The following RALYL variants were observed in gnomAD, a reference collection of about 807,000 sequenced individuals.
RALYL encodes the protein RALY RNA binding protein like.
Under a neutral mutation model 35.1 loss-of-function variants are expected in RALYL, and 29 were observed. The ratio of observed to expected loss-of-function variants is 0.83; its 90% CI spans 0.61 to 1.13. RALYL has a LOEUF of 1.13. Among genes scored for constraint, RALYL ranks in the 50% most tolerant of loss-of-function variants. RALYL has a pLI of 0.00. For synonymous variants in RALYL, 120 were observed against 127.6 expected, an observed-to-expected ratio of 0.94 and a Z score of 0.40; for missense variants, 359 against 360.4, an observed-to-expected ratio of 1.00 and a Z score of 0.03.
At chr8:84,278,852 T>G (rs1012965572) in intron 1 of RALYL, among the ~76,000 whole-genome samples, 1 of 152,232 alleles carries the variant, frequency 6.6e-6, no homozygotes, top group African/African-American at 2.4e-5. Flanking sequence ...CTTTCCCACA[T>G]CTTCCTGTCC....
chr8:84,202,512 C>A (rs1369094584), intron 1 of RALYL, among the ~76,000 whole-genome samples: 1 of 151,752 alleles, frequency 6.6e-6, no homozygotes, highest in Non-Finnish European at 1.5e-5. Flanking sequence ...GCTGGGATTA[C>A]AGGTGCCCAC....
At chr8:84,814,469 AT>A (rs1364815379) in intron 4 of RALYL, among the ~76,000 whole-genome samples, 4 of 152,178 alleles carry the variant, frequency 2.6e-5, no homozygotes, top group Non-Finnish European at 5.9e-5. Context: ...AGTAATTGTC[AT>A]TTAAATTTTT....
chr8:84,695,586 T>C (rs2132228676), intron 2 of RALYL, among the ~76,000 whole-genome samples: 1 of 151,956 alleles, frequency 6.6e-6, no homozygotes, highest in Non-Finnish European at 1.5e-5. Context: ...ATTTTAAGAT[T>C]AAGATGATGG....
At chr8:84,797,890 C>T (rs1310099570) in intron 3 of RALYL, among the ~76,000 whole-genome samples, 1 of 152,154 alleles carries the variant, frequency 6.6e-6, no homozygotes, top group African/African-American at 2.4e-5. Flanking sequence ...AAGCCAGTGG[C>T]ATAGATCTAG....
intron 2 of RALYL, among the ~76,000 whole-genome samples, chr8:84,768,067 A>T (rs1448291683): frequency 6.6e-6 from 1 of 152,186 alleles, no homozygotes; most frequent in Admixed American, 6.6e-5. Flanking sequence ...ATGTTTTACT[A>T]CAAAGCCCCT....
intron 2 of RALYL, among the ~76,000 whole-genome samples, chr8:84,546,484 A>G (rs925124948): frequency 4.6e-5 from 7 of 152,228 alleles, no homozygotes; most frequent in African/African-American, 1.7e-4. Context: ...TCTTTTTAGC[A>G]TCATGGAGAT....
intron 3 of RALYL, among the ~76,000 whole-genome samples, chr8:84,784,956 A>G (rs1312566347): frequency 6.6e-6 from 1 of 152,242 alleles, no homozygotes; most frequent in African/African-American, 2.4e-5. Context: ...GTATTTCCAA[A>G]TATCACAATA....
intron 2 of RALYL, among the ~76,000 whole-genome samples, chr8:84,675,694 A>G (rs1346011103): frequency 6.6e-6 from 1 of 152,140 alleles, no homozygotes; most frequent in Admixed American, 6.6e-5. Context: ...GGTCACATCC[A>G]AAAAGTTTGT....
chr8:84,676,135 G>A (rs1171956178), intron 2 of RALYL, among the ~76,000 whole-genome samples: 2 of 152,078 alleles, frequency 1.3e-5, no homozygotes, highest in South Asian at 2.1e-4. Flanking sequence ...GAAATGATGA[G>A]CAATAATATT....
intron 2 of RALYL, among the ~76,000 whole-genome samples, chr8:84,561,787 T>C (rs952002799): frequency 6.6e-6 from 1 of 151,980 alleles, no homozygotes; most frequent in Non-Finnish European, 1.5e-5. Context: ...ATTTGGGTTC[T>C]GGAATGGAGT....
At chr8:84,567,808 A>G (rs1349629872) in intron 2 of RALYL, among the ~76,000 whole-genome samples, 2 of 151,682 alleles carry the variant, frequency 1.3e-5, no homozygotes, top group Non-Finnish European at 2.9e-5. Context: ...GGTTTAACTA[A>G]CTGAGATTCC....
intron 1 of RALYL, among the ~76,000 whole-genome samples, chr8:84,450,422 T>C (rs1461229849): frequency 6.6e-6 from 1 of 151,872 alleles, no homozygotes; most frequent in African/African-American, 2.4e-5. Flanking sequence ...CCAGGCTGCA[T>C]GGAAGCTAAA....
chr8:84,581,288 C>T (rs1015533483), intron 2 of RALYL, among the ~76,000 whole-genome samples: 4 of 152,190 alleles, frequency 2.6e-5, no homozygotes, highest in Non-Finnish European at 4.4e-5. Context: ...AATTTTAGAA[C>T]ATGTTTTACA....
Position 84,815,401 on chromosome 8 carries a change from ATATT to A in RALYL, c.365+10602_365+10605del, listed in dbSNP as rs1826967372. Among the ~76,000 whole-genome samples, 3 of 148,034 alleles carry A rather than the reference ATATT, an allele frequency of 2.0e-5. No individual in the cohort carries two copies. The South Asian group carries it at 6.3e-4, about 31-fold the overall frequency. On this transcript the variant is annotated intron_variant, in intron 4 of 8. Transcript: ENST00000521268. ...ATTTTAAACTATTATAAGTATTTAT[ATATT>A]TACTATTTATATATTTATTAAATAT...
At chr8:84,669,452 G>A (rs1832753069) in intron 2 of RALYL, among the ~76,000 whole-genome samples, 1 of 140,984 alleles carries the variant, frequency 7.1e-6, no homozygotes, top group Admixed American at 7.7e-5. Context: ...GTCCCCAGTA[G>A]TTAGTTATTC....
intron 1 of RALYL, among the ~76,000 whole-genome samples, chr8:84,267,168 T>C (rs1400448063): frequency 1.3e-5 from 2 of 152,218 alleles, no homozygotes; most frequent in East Asian, 1.9e-4. Flanking sequence ...TAAAGGAAAA[T>C]GACCAAAATC....
At chr8:84,641,432 C>G (rs985285627) in intron 2 of RALYL, among the ~76,000 whole-genome samples, 3 of 151,510 alleles carry the variant, frequency 2.0e-5, no homozygotes, top group Non-Finnish European at 4.4e-5. Context: ...AACAATTTTC[C>G]TACATCATAA....
At chr8:84,820,481 T>C (rs1828281731) in intron 4 of RALYL, among the ~76,000 whole-genome samples, 1 of 152,218 alleles carries the variant, frequency 6.6e-6, no homozygotes, top group South Asian at 2.1e-4. Context: ...GCCAGCACTG[T>C]TTCCTTATTG....
chr8:84,515,191 C>A (rs711045), intron 1 of RALYL, among the ~76,000 whole-genome samples: 137,266 of 152,210 alleles, frequency 0.9, 61,960 homozygotes, highest in East Asian at 1. Context: ...ACAGTGTTCA[C>A]CTAGAAAATA....
Sources: allele counts gnomAD v4.1 joint callset (sites outside exome capture counted in the v4.1 genomes callset), GRCh38; gene constraint gnomAD v4.1.1; transcripts MANE v1.5; gene names NCBI Gene and HGNC (gene_info 2026-07-23, HGNC 2026-07-21).